The following KLF12 variants were observed in gnomAD, a reference collection of about 807,000 sequenced individuals.
The protein encoded by KLF12 is Krueppel-like factor 12.
In KLF12, 9 loss-of-function variants were observed where a neutral mutation model predicts 37.8. The ratio of observed to expected loss-of-function variants is 0.24; its 90% confidence interval spans 0.14 to 0.42. The LOEUF (loss-of-function observed/expected upper bound fraction) is 0.42, where lower values mean the gene tolerates loss of function less well. Ranked by LOEUF, KLF12 falls within the 10% of genes least tolerant of loss-of-function variation. KLF12 has a pLI of 1.00. For synonymous variants in KLF12, 208 were observed against 202.1 expected (o/e 1.03, Z -0.25); for missense variants, 411 against 516.0 (o/e 0.80, Z 1.97).
intron 1 of KLF12, among the ~76,000 whole-genome samples, chr13:74,006,549 C>A (rs914946310): frequency 6.6e-6 from 1 of 152,218 alleles, no homozygotes; most frequent in Non-Finnish European, 1.5e-5. Context: ...GGAATTACGA[C>A]AGCCATGGAG....
At chr13:73,762,796 G>A (rs1879654749) in intron 6 of KLF12, among the ~76,000 whole-genome samples, 1 of 152,144 alleles carries the variant, frequency 6.6e-6, no homozygotes, top group Non-Finnish European at 1.5e-5. Flanking sequence ...GAAATAACAA[G>A]TGTTTATCAC....
At position 73,718,948 on chromosome 13, in the gene KLF12, G is replaced by GTATC. The variant is rs113957677; in HGVS notation, c.870-3427_870-3424dup. 7.6e-3 allele frequency among the ~76,000 whole-genome samples: 1,161 copies of GTATC among 152,130 alleles called. 17 individuals carry two copies. The highest frequency in any genetic ancestry group is 0.027 in the African/African-American group (1,107 of 41,494). On this transcript the variant is annotated intron_variant, in intron 6 of 7. Coordinates refer to ENST00000377669, the MANE Select transcript of KLF12 (RefSeq NM_007249.5). ...CATTATAAAGAACAAATACCTAAAG[G>GTATC]TATCTGTACAATAAAAATAATTTTT...
At position 73,888,269 on chromosome 13, in the gene KLF12, G is replaced by C. The variant is rs11838860; in HGVS notation, c.124-41896C>G. On this transcript the variant is annotated intron_variant, in intron 3 of 7. Coordinates refer to ENST00000377669, the MANE Select transcript of KLF12 (RefSeq NM_007249.5). The stretch of plus-strand genomic sequence containing the variant: ...TCTGCCTGCCCTAGCCTCCCAAATT[G>C]TTGCAATTACAGTCCTGAGCCACCG... Among the ~76,000 whole-genome samples, 1,474 of 152,164 alleles carry C rather than the reference G, an allele frequency of 9.7e-3. 21 individuals are homozygous for C. The highest frequency in any genetic ancestry group is 0.034 in the African/African-American group (1,395 of 41,490).
intron 3 of KLF12, among the ~76,000 whole-genome samples, chr13:73,942,825 T>C (rs1437697871): frequency 1.3e-5 from 2 of 152,174 alleles, no homozygotes; most frequent in Non-Finnish European, 2.9e-5. Context: ...TGACATCCTC[T>C]ACCACGATGA....
intron 2 of KLF12, among the ~76,000 whole-genome samples, chr13:73,979,315 T>C (rs1438590697): frequency 6.6e-6 from 1 of 151,166 alleles, no homozygotes; most frequent in Non-Finnish European, 1.5e-5. Context: ...TCAACTTTGC[T>C]ATGAACCTAA....
At chr13:73,904,647 T>C (rs1356398703) in intron 3 of KLF12, among the ~76,000 whole-genome samples, 1 of 152,158 alleles carries the variant, frequency 6.6e-6, no homozygotes, top group African/African-American at 2.4e-5. Flanking sequence ...AACTATATTC[T>C]GGATCATTTT....
At chr13:73,816,815 G>C (rs892156572) in intron 4 of KLF12, among the ~76,000 whole-genome samples, 3 of 152,148 alleles carry the variant, frequency 2.0e-5, no homozygotes, top group Non-Finnish European at 4.4e-5. Flanking sequence ...TTGTGAAGAA[G>C]CCCGGGAGAG....
the KLF12 span, among the ~76,000 whole-genome samples, chr13:74,200,533 A>T: frequency 2.6e-5 from 4 of 151,988 alleles, no homozygotes; most frequent in South Asian, 2.1e-4. Context: ...TGGAGGGAAA[A>T]GACTGAAGAT....
intron 3 of KLF12, among the ~76,000 whole-genome samples, chr13:73,898,008 G>A (rs1228217507): frequency 6.6e-6 from 1 of 151,982 alleles, no homozygotes; most frequent in Non-Finnish European, 1.5e-5. Flanking sequence ...TTCATGCAGG[G>A]GTCCTTGTAA....
intron 4 of KLF12, among the ~76,000 whole-genome samples, chr13:73,820,438 C>T (rs1454584445): frequency 2.6e-5 from 4 of 152,194 alleles, no homozygotes. Flanking sequence ...GAGAAACATT[C>T]ATGAGTAAAT....
At chr13:73,727,702 CTT>C (rs4053530) in intron 6 of KLF12, among the ~76,000 whole-genome samples, 8 of 145,102 alleles carry the variant, frequency 5.5e-5, no homozygotes, top group Admixed American at 6.9e-5. Flanking sequence ...CAATTTCTTT[CTT>C]TTTTTTTTTT....
At chr13:74,230,867 G>C in the KLF12 span, among the ~76,000 whole-genome samples, 3 of 152,050 alleles carry the variant, frequency 2.0e-5, no homozygotes, top group Non-Finnish European at 4.4e-5. Context: ...TTTTCATTCT[G>C]TTATGAGTAA....
the KLF12 span, among the ~76,000 whole-genome samples, chr13:74,154,091 T>C: frequency 6.7e-6 from 1 of 150,220 alleles, no homozygotes; most frequent in African/African-American, 2.5e-5. Context: ...AAAAATTAGC[T>C]GGGCATGGTG....
chr13:73,949,306 C>T (rs911686123), intron 2 of KLF12, among the ~76,000 whole-genome samples: 3 of 152,212 alleles, frequency 2.0e-5, no homozygotes, highest in African/African-American at 7.2e-5. Flanking sequence ...ATCTCAGTAA[C>T]AGCTCCTCCC....
chr13:73,835,573 G>C (rs1272816561), intron 4 of KLF12, among the ~76,000 whole-genome samples: 1 of 152,096 alleles, frequency 6.6e-6, no homozygotes, highest in African/African-American at 2.4e-5. Context: ...ACTTTGAAAG[G>C]GAGGTGCAGA....
intron 4 of KLF12, among the ~76,000 whole-genome samples, chr13:73,825,722 A>AT (rs893391701): frequency 2.6e-5 from 4 of 151,954 alleles, no homozygotes; most frequent in African/African-American, 9.7e-5. Flanking sequence ...TACTGAAAAA[A>AT]AACAGAGAAA....
chr13:73,740,118 A>G (rs1467479730), intron 6 of KLF12, among the ~76,000 whole-genome samples: 2 of 152,232 alleles, frequency 1.3e-5, no homozygotes, highest in Non-Finnish European at 2.9e-5. Context: ...CAGCAAGAAC[A>G]CAAGTTAAAA....
At position 73,928,536 on chromosome 13, in the gene KLF12, T is replaced by C. The variant is rs147569365; in HGVS notation, c.123+15445A>G. 8.3e-4 allele frequency among the ~76,000 whole-genome samples: 126 copies of C among 152,338 alleles called. 3 individuals carry two copies. The South Asian group carries it at 0.022, about 26-fold the overall frequency. On this transcript the variant is annotated intron_variant, in intron 3 of 7. Coordinates refer to ENST00000377669, the MANE Select transcript of KLF12 (RefSeq NM_007249.5). Reference sequence around the variant, plus strand: ...CAAACACTGAATAAGTCAGAGGAAGTACATTTCCAACACTAAGGAAATGCA... The same window carrying C: ...CAAACACTGAATAAGTCAGAGGAAGCACATTTCCAACACTAAGGAAATGCA...
chr13:74,271,178 T>C, the KLF12 span, among the ~76,000 whole-genome samples: 1 of 152,104 alleles, frequency 6.6e-6, no homozygotes. Context: ...GGTGGAACAG[T>C]TTCATCCCGA....
Sources: gnomAD v4.1 joint callset for allele counts (sites outside exome capture counted in the v4.1 genomes callset) on GRCh38, gnomAD v4.1.1 for gene constraint, MANE v1.5 for transcripts, NCBI Gene and HGNC (gene_info 2026-07-23, HGNC 2026-07-21) for gene names.